The following LRRTM4 variants were observed in gnomAD, a reference collection of about 807,000 sequenced individuals.
LRRTM4 encodes the protein leucine rich repeat transmembrane neuronal 4, also known as leucine-rich repeat transmembrane neuronal protein 4.
In LRRTM4, 25 loss-of-function variants were observed where a neutral mutation model predicts 47.6. That is an observed-to-expected ratio of 0.53 (90% CI 0.38 to 0.73). The LOEUF (loss-of-function observed/expected upper bound fraction) is 0.73. Ranked by LOEUF, LRRTM4 falls within the 30% of genes least tolerant of loss-of-function variation. The pLI, the probability that LRRTM4 is intolerant of heterozygous loss-of-function variation, is 0.00. For missense variants in LRRTM4, 638 were observed against 713.4 expected, an observed-to-expected ratio of 0.89 and a Z score of 1.20; for synonymous variants, 311 against 269.5, an observed-to-expected ratio of 1.15 and a Z score of -1.51.
intron 3 of LRRTM4, among the ~76,000 whole-genome samples, chr2:77,401,449 T>C (rs994468693): frequency 1.3e-5 from 2 of 152,082 alleles, no homozygotes; most frequent in Admixed American, 1.3e-4. Context: ...TAAATCACTA[T>C]GTAACATTAC....
intron 3 of LRRTM4, among the ~76,000 whole-genome samples, chr2:77,067,291 T>C (rs542116875): frequency 6.6e-6 from 1 of 152,216 alleles, no homozygotes; most frequent in East Asian, 1.9e-4. Flanking sequence ...TAAAGGAATT[T>C]CTAAAAGATA....
At chr2:76,883,441 T>TC (rs1303531278) in intron 3 of LRRTM4, among the ~76,000 whole-genome samples, 2 of 152,148 alleles carry the variant, frequency 1.3e-5, no homozygotes, top group Admixed American at 1.3e-4. Context: ...CCCCGAGCCC[T>TC]CCCTCTTTAG....
intron 3 of LRRTM4, among the ~76,000 whole-genome samples, chr2:77,049,120 T>A (rs1238831171): frequency 4.1e-4 from 27 of 66,458 alleles, no homozygotes; most frequent in African/African-American, 2.1e-3. Context: ...ATATTTCATT[T>A]TTTATATATA....
At chr2:77,171,249 T>C (rs991238658) in intron 3 of LRRTM4, among the ~76,000 whole-genome samples, 4 of 152,098 alleles carry the variant, frequency 2.6e-5, no homozygotes, top group Non-Finnish European at 5.9e-5. Context: ...TGCTTTATGT[T>C]TTTTTTCTGT....
intron 3 of LRRTM4, among the ~76,000 whole-genome samples, chr2:76,786,488 GAATT>G (rs1470196585): frequency 6.6e-6 from 1 of 151,464 alleles, no homozygotes; most frequent in Admixed American, 6.6e-5. Flanking sequence ...AGTTATAATT[GAATT>G]AATAAGAATT....
At chr2:77,150,572 A>C (rs1376088408) in intron 3 of LRRTM4, among the ~76,000 whole-genome samples, 2 of 152,098 alleles carry the variant, frequency 1.3e-5, no homozygotes, top group East Asian at 1.9e-4. Flanking sequence ...TTGATACTAC[A>C]TTTTGCATTT....
At chr2:77,090,199 G>T (rs1449115782) in intron 3 of LRRTM4, among the ~76,000 whole-genome samples, 1 of 152,100 alleles carries the variant, frequency 6.6e-6, no homozygotes, top group Non-Finnish European at 1.5e-5. Flanking sequence ...GTCCTGCCCA[G>T]CAATTTACTC....
At chr2:77,129,101 T>G (rs1393470342) in intron 3 of LRRTM4, among the ~76,000 whole-genome samples, 1 of 152,212 alleles carries the variant, frequency 6.6e-6, no homozygotes, top group Non-Finnish European at 1.5e-5. Flanking sequence ...TGGAGTCTCT[T>G]ACACAAAGCT....
At chr2:77,266,924 A>C (rs1214498709) in intron 3 of LRRTM4, among the ~76,000 whole-genome samples, 1 of 152,130 alleles carries the variant, frequency 6.6e-6, no homozygotes, top group Non-Finnish European at 1.5e-5. Context: ...ATAATTGTAC[A>C]AGTTCTGAGG....
chr2:77,417,335 G>A (rs923597342), intron 3 of LRRTM4, among the ~76,000 whole-genome samples: 5 of 152,016 alleles, frequency 3.3e-5, no homozygotes, highest in South Asian at 2.1e-4. Context: ...TCAGTGTGGC[G>A]ATTCCTCAGG....
At chr2:77,090,197 C>G (rs12614449) in intron 3 of LRRTM4, among the ~76,000 whole-genome samples, 65,202 of 151,916 alleles carry the variant, frequency 0.43, 17,089 homozygotes, top group African/African-American at 0.72. Flanking sequence ...CCGTCCTGCC[C>G]AGCAATTTAC....
At chr2:76,959,116 T>C (rs1180079150) in intron 3 of LRRTM4, among the ~76,000 whole-genome samples, 1 of 151,806 alleles carries the variant, frequency 6.6e-6, no homozygotes, top group Admixed American at 6.6e-5. Flanking sequence ...TGGCTGGTTA[T>C]GATTTCTGTT....
At chr2:76,879,246 T>C (rs989267022) in intron 3 of LRRTM4, among the ~76,000 whole-genome samples, 2 of 152,102 alleles carry the variant, frequency 1.3e-5, no homozygotes, top group East Asian at 1.9e-4. Flanking sequence ...AGGACTTTCA[T>C]AGCTAGAGAG....
At chr2:77,503,148 T>C (rs1678639297) in intron 3 of LRRTM4, among the ~76,000 whole-genome samples, 1 of 151,498 alleles carries the variant, frequency 6.6e-6, no homozygotes, top group Admixed American at 6.6e-5. Context: ...TCCACTTTTG[T>C]TTTGGAAGCT....
intron 3 of LRRTM4, among the ~76,000 whole-genome samples, chr2:76,888,545 G>C (rs1324707378): frequency 2.6e-5 from 4 of 151,344 alleles, no homozygotes; most frequent in African/African-American, 4.8e-5. Flanking sequence ...TACACTTAAA[G>C]CTAAAAAGTA....
intron 3 of LRRTM4, among the ~76,000 whole-genome samples, chr2:77,069,549 T>C (rs1680081064): frequency 6.6e-6 from 1 of 152,162 alleles, no homozygotes; most frequent in South Asian, 2.1e-4. Context: ...TTTGTAGAAC[T>C]AATTCAATTG....
chr2:77,202,990 C>T (rs1349428615), intron 3 of LRRTM4, among the ~76,000 whole-genome samples: 1 of 151,950 alleles, frequency 6.6e-6, no homozygotes, highest in Non-Finnish European at 1.5e-5. Flanking sequence ...CCCCACCTGG[C>T]TGGTTTCGCA....
chr2:76,817,852 T>C (rs1670945315), intron 3 of LRRTM4, among the ~76,000 whole-genome samples: 1 of 151,998 alleles, frequency 6.6e-6, no homozygotes, highest in African/African-American at 2.4e-5. Context: ...AGATATGCCA[T>C]GTTAGTACCT....
chr2:77,415,191 G>T (rs964919126), intron 3 of LRRTM4, among the ~76,000 whole-genome samples: 15 of 152,074 alleles, frequency 9.9e-5, no homozygotes, highest in African/African-American at 3.6e-4. Context: ...TTTTCTGAAG[G>T]AATATTTTTG....
Sources: gnomAD v4.1 joint callset for allele counts (sites outside exome capture counted in the v4.1 genomes callset) on GRCh38, gnomAD v4.1.1 for gene constraint, MANE v1.5 for transcripts, NCBI Gene and HGNC (gene_info 2026-07-23, HGNC 2026-07-21) for gene names.